NTRK1: variants seen among roughly 807,000 people sequenced by gnomAD.
NTRK1 encodes neurotrophic receptor tyrosine kinase 1.
Under a neutral mutation model 86.8 loss-of-function variants are expected in NTRK1, and 62 were observed. The ratio of observed to expected loss-of-function variants is 0.71; its 90% CI spans 0.58 to 0.88. The LOEUF (loss-of-function observed/expected upper bound fraction) is 0.88, where lower values mean the gene tolerates loss of function less well. Among genes scored for constraint, NTRK1 ranks in the 40% least tolerant of loss-of-function variants. The probability of loss-of-function intolerance (pLI) is 0.00; values close to 1 mark genes in which losing one functional copy is unlikely to be tolerated. For synonymous variants in NTRK1, 469 were observed against 456.6 expected, an observed-to-expected ratio of 1.03 and a Z score of -0.35; for missense variants, 967 against 1,078.4, an observed-to-expected ratio of 0.90 and a Z score of 1.45.
In NTRK1 at chr1:156,877,532, C is replaced by T. The variant is rs188253008; in HGVS notation, c.1805+960C>T. On this transcript the variant is annotated intron_variant, in intron 14 of 16. Coordinates refer to ENST00000524377, the MANE Select transcript of NTRK1 (RefSeq NM_002529.4). ...CCCTGATGTGATGGTCACATGTTCC[C>T]TCGGTCTAGTCCTTCTCTGATGAGA... Among the ~76,000 whole-genome samples, 687 of 152,372 alleles carry T rather than the reference C, an allele frequency of 4.5e-3. 4 individuals are homozygous for T. Among genetic ancestry groups the T allele is most frequent in the South Asian group, 0.011 (55 of 4,832 alleles).
intron 1 of NTRK1, among the ~76,000 whole-genome samples, chr1:156,827,409 T>C (rs970181023): frequency 1.3e-5 from 2 of 152,022 alleles, no homozygotes; most frequent in Admixed American, 1.3e-4. Context: ...ATTACAGGCG[T>C]GCGCCACCAT....
At chr1:156,819,067 A>G (rs1654111944) in intron 1 of NTRK1, among the ~76,000 whole-genome samples, 1 of 152,128 alleles carries the variant, frequency 6.6e-6, no homozygotes, top group Non-Finnish European at 1.5e-5. Flanking sequence ...CAATGGCGCT[A>G]TCTCGGCTCA....
chr1:156,845,431 A>G, intron 2 of NTRK1: 1 of 1,539,068 alleles, frequency 6.5e-7, no homozygotes, highest in Non-Finnish European at 8.7e-7. Flanking sequence ...GGCCAGGAGT[A>G]GCCCTATCAG....
chr1:156,839,496 C>A (rs913788280), intron 1 of NTRK1, among the ~76,000 whole-genome samples: 4 of 152,232 alleles, frequency 2.6e-5, no homozygotes, highest in African/African-American at 9.6e-5. Flanking sequence ...GGAGCTGGCT[C>A]TCCTGTGCAA....
chr1:156,845,073 T>C, intron 2 of NTRK1: 2 of 1,603,392 alleles, frequency 1.2e-6, no homozygotes, highest in Non-Finnish European at 1.7e-6. Context: ...GTGGATCACC[T>C]ACTGTGGGGC....
chr1:156,860,632 C>T (rs373348522), upstream of NTRK1, among the ~76,000 whole-genome samples: 16 of 152,334 alleles, frequency 1.1e-4, no homozygotes, highest in East Asian at 2.5e-3. Flanking sequence ...CCGGCCTCAG[C>T]AGACACCTCC....
At position 156,825,000 on chromosome 1, in the gene NTRK1, C is replaced by T. The variant is rs535021010; in HGVS notation, c.-64+9162C>T. ...CGCCTCCCAGGTTCAAGCGATTCTCCTGCCTCAGCCTCCCAAGTAGCTGGG... is the reference window on the plus strand; with the variant it reads ...CGCCTCCCAGGTTCAAGCGATTCTCTTGCCTCAGCCTCCCAAGTAGCTGGG... On this transcript the variant is annotated intron_variant, in intron 1 of 16. Transcript: ENST00000392302. 5.3e-5 allele frequency among the ~76,000 whole-genome samples: 8 copies of T among 152,332 alleles called. No homozygotes were observed. The East Asian group carries it at 1.5e-3, about 29-fold the overall frequency.
chr1:156,873,795 A>G lies in NTRK1; in HGVS notation c.1013A>G (p.Asn338Ser), dbSNP rs2102905597. The G allele has an allele frequency of 6.2e-7, 1 of 1,613,260 alleles. No homozygotes were observed. The highest frequency in any genetic ancestry group is 8.5e-7 in the Non-Finnish European group (1 of 1,179,720). Residue 338 changes from asparagine (N) to serine (S), a missense_variant, in exon 8 of 17, where the codon AAT becomes AGT. Asn to Ser is a conservative substitution (Grantham distance 46). This residue lies in a region of NTRK1 where 637 missense variants were observed against 776.5 expected (regional missense o/e 0.82). Transcript: ENST00000524377. ...IFTEFLEPAANETVRHGCLRL... is the reference protein window; with the variant it reads ...IFTEFLEPAASETVRHGCLRL... ...ACTGAGTTCCTGGAGCCGGCAGCCA[A>G]TGAGACCGTGCGGCACGGGTGTCTG...
intron 1 of NTRK1, among the ~76,000 whole-genome samples, chr1:156,818,633 G>C (rs986855708): frequency 6.6e-6 from 1 of 152,168 alleles, no homozygotes; most frequent in Admixed American, 6.5e-5. Context: ...CTCCAACCAA[G>C]ATACTGCAAA....
chr1:156,867,053 CA>C (rs1655970317), intron 4 of NTRK1, 75 bp downstream of exon 4: 3 of 1,448,188 alleles, frequency 2.1e-6, no homozygotes, highest in Non-Finnish European at 2.9e-6. Context: ...TGTTGGATGA[CA>C]TTGGGTCACT....
chr1:156,863,390 C>T (rs1161877479), intron 1 of NTRK1, among the ~76,000 whole-genome samples: 2 of 152,092 alleles, frequency 1.3e-5, no homozygotes, highest in African/African-American at 4.8e-5. Context: ...CCACCCTCCT[C>T]GTTGAGCCTT....
chr1:156,849,184 C>A, intron 2 of NTRK1: 1 of 1,604,340 alleles, frequency 6.2e-7, no homozygotes, highest in Non-Finnish European at 8.5e-7. Flanking sequence ...TTTCTCCCTC[C>A]CCCGGGTGTG....
In NTRK1 at chr1:156,879,341, C is replaced by T. The variant is rs2102925218; in HGVS notation, c.2025C>T (p.Ile675=). 1.9e-6 allele frequency: 3 copies of T among 1,608,308 alleles called. No homozygotes were observed. Among genetic ancestry groups the T allele is most frequent in the Non-Finnish European group, 8.5e-7 (1 of 1,179,848 alleles). ...KIGDFGMSRD[I]YSTDYYRVGG... is the part of the protein sequence containing the mutation. ...GTGATTTTGGCATGAGCAGGGATAT[C>T]TACAGCACCGACTATTACCGTGTAA... The change falls in exon 15 of 17, where the codon ATC becomes ATT. Residue 675 remains isoleucine (I), a synonymous_variant. Coordinates refer to ENST00000524377, the MANE Select transcript of NTRK1 (RefSeq NM_002529.4).
chr1:156,875,115 A>G (rs1647820888), intron 11 of NTRK1, 107 bp downstream of exon 11: 14 of 834,596 alleles, frequency 1.7e-5, no homozygotes, highest in Non-Finnish European at 1.7e-5. Context: ...TGGGAGTTCC[A>G]GGGCGTGTGA....
At position 156,876,567 on chromosome 1, in the gene NTRK1, CCT is replaced by C; in HGVS notation, c.1802_1803del (p.Leu601ProfsTer6). The C allele has an allele frequency of 1.2e-6, 2 of 1,611,716 alleles. No homozygotes were observed. Among genetic ancestry groups the C allele is most frequent in the Non-Finnish European group, 1.7e-6 (2 of 1,179,484 alleles). ...TGCGGCACGGGGACCTCAACCGCTT[CCT>C]CCGGTACCAGCACCTGGCCTCAGCG... is the stretch of plus-strand genomic sequence containing the variant. ...YMRHGDLNRF[L>X]RSHGPDAKLL... is the part of the protein sequence containing the mutation. On this transcript the variant is annotated frameshift_variant, in exon 14 of 17. Coordinates refer to ENST00000524377, the MANE Select transcript of NTRK1 (RefSeq NM_002529.4). LOFTEE classifies it high-confidence loss of function.
rs1199981972 is a variant in NTRK1, at chr1:156,879,165, G to T, written c.1849G>T (p.Val617Leu). Residue 617 changes from valine (V) to leucine (L), a missense_variant, in exon 15 of 17, where the codon GTG becomes TTG. Val to Leu is a conservative substitution (Grantham distance 32). Transcript: ENST00000524377. ...CAAGCTGCTGGCTGGTGGGGAGGAT[G>T]TGGCTCCAGGCCCCCTGGGTCTGGG... ...DAKLLAGGED[V>L]APGPLGLGQL... 1.2e-6 allele frequency: 2 copies of T among 1,613,894 alleles called. No homozygotes were observed. The highest frequency in any genetic ancestry group is 1.7e-6 in the Non-Finnish European group (2 of 1,179,846).
chr1:156,868,209 T>C lies in NTRK1; in HGVS notation c.534T>C (p.His178=), dbSNP rs1200369200. Reference sequence around the variant, plus strand: ...TGCCTGAACAGAAGCTGCAGTGTCATGGGCAAGGGCCCCTGGCCCACATGC... The same window carrying C: ...TGCCTGAACAGAAGCTGCAGTGTCACGGGCAAGGGCCCCTGGCCCACATGC... The part of the protein sequence containing the change: ...GGVPEQKLQC[H]GQGPLAHMPN... Residue 178 remains histidine (H), a synonymous_variant, in exon 5 of 17, where the codon CAT becomes CAC. Transcript: ENST00000524377. 4.3e-6 allele frequency: 7 copies of C among 1,612,858 alleles called. No individual in the cohort carries two copies. The highest frequency in any genetic ancestry group is 2.2e-5 in the South Asian group (2 of 91,090).
At chr1:156,872,024 TCC>T (rs762763556) in intron 7 of NTRK1, among the ~76,000 whole-genome samples, 4 of 152,118 alleles carry the variant, frequency 2.6e-5, no homozygotes, top group Non-Finnish European at 5.9e-5. Context: ...GCCCGGCTGT[TCC>T]CACTGCTCCG....
chr1:156,876,281 A>T (rs2102918342), intron 13 of NTRK1, 71 bp downstream of exon 13: 2 of 1,611,038 alleles, frequency 1.2e-6, no homozygotes. Context: ...ATCAGGACAG[A>T]GTGGGGGGAG....
Sources: allele counts gnomAD v4.1 joint callset (sites outside exome capture counted in the v4.1 genomes callset), GRCh38; gene constraint gnomAD v4.1.1; regional missense constraint gnomAD v4.1.1; transcripts MANE v1.5; gene names NCBI Gene and HGNC (gene_info 2026-07-23, HGNC 2026-07-21).